Variants in KIF20B observed in about 807,000 individuals in gnomAD.
The protein encoded by KIF20B is kinesin-like protein KIF20B.
Under a neutral mutation model 232.5 loss-of-function variants are expected in KIF20B, and 188 were observed. The ratio of observed to expected loss-of-function variants is 0.81; its 90% CI spans 0.72 to 0.91. The LOEUF (loss-of-function observed/expected upper bound fraction) is 0.91, where lower values mean the gene tolerates loss of function less well. KIF20B is among the 40% of genes least tolerant of loss of function. The pLI is 0.00. For missense variants in KIF20B, 2,154 were observed against 2,055.9 expected (o/e 1.05, Z -0.92); for synonymous variants, 712 against 683.0 (o/e 1.04, Z -0.66).
At chr10:89,770,570 T>G (rs117539373) in intron 31 of KIF20B, among the ~76,000 whole-genome samples, 1,746 of 152,124 alleles carry the variant, frequency 0.011, 18 homozygotes, top group Non-Finnish European at 0.019. Context: ...ACTTGGTTCC[T>G]TAACAGCTTC....
intron 18 of KIF20B, 31 bp downstream of exon 18, chr10:89,729,278 A>G: frequency 7.0e-7 from 1 of 1,428,014 alleles, no homozygotes; most frequent in Non-Finnish European, 9.4e-7. Flanking sequence ...TATATTAATA[A>G]ATTAGATAAG....
chr10:89,728,982 G>A (rs544685321), intron 17 of KIF20B, 146 bp from the exon 18 acceptor site: 484 of 560,964 alleles, frequency 8.6e-4, no homozygotes, highest in Non-Finnish European at 1.1e-3. Context: ...ATAAGATCAT[G>A]CTGTGCATAG....
rs776385458 is a variant in KIF20B, at chr10:89,768,728, T to C, written c.5092-10T>C. On this transcript the variant is annotated splice_polypyrimidine_tract_variant and intron_variant, in intron 30 of 32. Coordinates refer to ENST00000371728, the MANE Select transcript of KIF20B (RefSeq NM_001284259.2). The stretch of plus-strand genomic sequence containing the variant: ...TCATCAACAATAACAAAAAATGTTT[T>C]GTTTATTAGGTTGCCATACGTCCAT... The C allele has an allele frequency of 6.4e-7, 1 of 1,572,410 alleles. No homozygotes were observed. The highest frequency in any genetic ancestry group is 8.6e-7 in the Non-Finnish European group (1 of 1,165,672).
In KIF20B at chr10:89,710,072, A is replaced by G; in HGVS notation, c.490+7A>G. On this transcript the variant is annotated splice_region_variant and intron_variant, in intron 5 of 32. Transcript: ENST00000371728. ...AAAACATATACATTTCAAGGTAAAT[A>G]TTGTTTTATTTTGGTTGGAAAGGAT... 1 of 1,595,544 alleles carries G rather than the reference A, an allele frequency of 6.3e-7. No homozygotes were observed. Among genetic ancestry groups the G allele is most frequent in the Non-Finnish European group, 8.5e-7 (1 of 1,174,334 alleles).
chr10:89,729,956 G>C (rs1168935664), intron 18 of KIF20B, among the ~76,000 whole-genome samples: 2 of 152,122 alleles, frequency 1.3e-5, no homozygotes, highest in Non-Finnish European at 2.9e-5. Context: ...TTGCTTTGTT[G>C]AAAGGTGCTT....
chr10:89,765,617 G>A (rs530511285), intron 29 of KIF20B, among the ~76,000 whole-genome samples: 22 of 152,150 alleles, frequency 1.4e-4, no homozygotes, highest in South Asian at 6.2e-4. Flanking sequence ...GAGGCATCAC[G>A]CTACCTGACT....
chr10:89,709,997 T>A lies in KIF20B; in HGVS notation c.422T>A (p.Leu141Ter), dbSNP rs758091272. ...GCIMQPVKDLLKGQSRLIFTY... is the reference protein window; with the variant it reads ...GCIMQPVKDL Reference sequence around the variant, plus strand: ...ATTATGCAACCAGTAAAAGACCTCTTGAAAGGACAGAGTCGTCTGATTTTT... The same window carrying A: ...ATTATGCAACCAGTAAAAGACCTCTAGAAAGGACAGAGTCGTCTGATTTTT... Residue 141 changes from leucine (L) to a stop codon, truncating the protein, a stop_gained, in exon 5 of 33, where the codon TTG becomes TAG. Transcript: ENST00000371728. LOFTEE classifies it high-confidence loss of function. 6.2e-7 allele frequency: 1 copy of A among 1,613,050 alleles called. No homozygotes were observed. Among genetic ancestry groups the A allele is most frequent in the South Asian group, 1.1e-5 (1 of 90,772 alleles).
At chr10:89,712,803 A>G (rs970858877) in intron 6 of KIF20B, among the ~76,000 whole-genome samples, 8 of 152,182 alleles carry the variant, frequency 5.3e-5, no homozygotes, top group African/African-American at 1.9e-4. Context: ...ATATTTTCAG[A>G]CATTATTCTA....
intron 29 of KIF20B, among the ~76,000 whole-genome samples, chr10:89,765,179 G>T (rs1842329246): frequency 6.6e-6 from 1 of 152,006 alleles, no homozygotes; most frequent in Non-Finnish European, 1.5e-5. Flanking sequence ...CTTTTCTCAG[G>T]TTTGTCAAAG....
chr10:89,769,484 G>A (rs1359502984), intron 31 of KIF20B, among the ~76,000 whole-genome samples: 3 of 151,708 alleles, frequency 2.0e-5, no homozygotes, highest in African/African-American at 7.3e-5. Context: ...GCCAGTATTA[G>A]TATTATGGTA....
At chr10:89,728,337 A>T (rs184477559) in intron 17 of KIF20B, among the ~76,000 whole-genome samples, 1 of 152,296 alleles carries the variant, frequency 6.6e-6, no homozygotes, top group East Asian at 1.9e-4. Flanking sequence ...TCCTAAATTT[A>T]AAACAAAACC....
chr10:89,705,450 A>G lies in KIF20B; in HGVS notation c.147+9A>G. On this transcript the variant is annotated intron_variant, in intron 2 of 32. Coordinates refer to ENST00000371728, the MANE Select transcript of KIF20B (RefSeq NM_001284259.2). The stretch of plus-strand genomic sequence containing the variant: ...TTGCTCCAAATACTGAGGTAAGTAC[A>G]AGAAAAGTATTGTGTTGATTATCAT... 1 of 1,613,160 alleles carries G rather than the reference A, an allele frequency of 6.2e-7. No homozygotes were observed. The highest frequency in any genetic ancestry group is 1.1e-5 in the South Asian group (1 of 90,916).
chr10:89,702,656 G>A (rs868297434), intron 1 of KIF20B, among the ~76,000 whole-genome samples: 11 of 152,136 alleles, frequency 7.2e-5, no homozygotes, highest in Middle Eastern at 3.4e-3. Flanking sequence ...TTGGAGAGAG[G>A]GTAAATATGC....
Position 89,774,073 on chromosome 10 carries a change from A to G in KIF20B, c.*25A>G, listed in dbSNP as rs761371696. 2 of 1,459,406 alleles carry G rather than the reference A, an allele frequency of 1.4e-6. No homozygotes were observed. The highest frequency in any genetic ancestry group is 1.3e-5 in the South Asian group (1 of 75,628). The allele number at this position is 1,459,406 out of a possible 1,614,324, so 90.4% of individuals were successfully genotyped here. A position where few individuals can be genotyped will look rare whatever the true frequency, so the allele number is the denominator to read the frequency against. ...AATCACTTATGGAAATGTTTAATAT[A>G]AATTTTATAGTCATAGTCATTGGAA... On this transcript the variant is annotated 3_prime_UTR_variant, in exon 33 of 33. Coordinates refer to ENST00000371728, the MANE Select transcript of KIF20B (RefSeq NM_001284259.2).
intron 2 of KIF20B, among the ~76,000 whole-genome samples, chr10:89,708,843 T>C (rs942706869): frequency 1.3e-5 from 2 of 152,366 alleles, no homozygotes; most frequent in South Asian, 4.1e-4. Flanking sequence ...ATATTCTAGT[T>C]ACTTTTGATT....
In KIF20B at chr10:89,760,829, A is replaced by T. The variant is rs1842224620; in HGVS notation, c.4791+193A>T. Among the ~76,000 whole-genome samples the T allele has an allele frequency of 2.6e-5, 4 of 152,334 alleles. No homozygotes were observed. In the South Asian group the frequency reaches 6.2e-4, roughly 24 times the overall value. On this transcript the variant is annotated intron_variant, in intron 28 of 32. Coordinates refer to ENST00000371728, the MANE Select transcript of KIF20B (RefSeq NM_001284259.2). ...GAGATTATATGCCCAAATGATGTTA[A>T]TCTCATCTTAAAAGCAGTAGATTTG... is the stretch of plus-strand genomic sequence containing the variant.
In KIF20B at chr10:89,724,012, A is replaced by G; in HGVS notation, c.1771A>G (p.Lys591Glu). 1.9e-6 allele frequency: 3 copies of G among 1,589,554 alleles called. No homozygotes were observed. Among genetic ancestry groups the G allele is most frequent in the Non-Finnish European group, 2.6e-6 (3 of 1,171,494 alleles). Residue 591 changes from lysine (K) to glutamate (E), a missense_variant, in exon 14 of 33, where the codon AAA becomes GAA. Physicochemically the swap from Lys to Glu is moderately conservative, Grantham distance 56. Transcript: ENST00000371728. ...EDLKKKLINE[K>E]KEKLTLEFKI... ...CTTGAAAAAAAAACTGATAAATGAA[A>G]AAAAGGAAAAATTAACCTTGGAATT...
chr10:89,761,042 G>C (rs1175482119), intron 28 of KIF20B, among the ~76,000 whole-genome samples: 1 of 152,008 alleles, frequency 6.6e-6, no homozygotes, highest in Non-Finnish European at 1.5e-5. Context: ...ATTTGTATTG[G>C]GCTTAGGGTT....
chr10:89,732,152 C>G (rs911987459), intron 18 of KIF20B, among the ~76,000 whole-genome samples: 6 of 149,700 alleles, frequency 4.0e-5, no homozygotes, highest in Non-Finnish European at 7.4e-5. Context: ...GAGGTAGGGT[C>G]TCATCACTCT....
Sources: allele counts gnomAD v4.1 joint callset (sites outside exome capture counted in the v4.1 genomes callset), GRCh38; gene constraint gnomAD v4.1.1; transcripts MANE v1.5; gene names NCBI Gene and HGNC (gene_info 2026-07-23, HGNC 2026-07-21).